The following ITGAM variants were observed in gnomAD, a reference collection of about 807,000 sequenced individuals.
The protein encoded by ITGAM is integrin subunit alpha M.
In ITGAM, 79 loss-of-function variants were observed where a neutral mutation model predicts 137.5. That is an observed-to-expected ratio of 0.57 (90% CI 0.48 to 0.69). ITGAM has a LOEUF of 0.69. Among genes scored for constraint, ITGAM ranks in the 30% least tolerant of loss-of-function variants. ITGAM has a pLI of 0.00. For missense variants in ITGAM, 1,343 were observed against 1,483.5 expected (o/e 0.91, Z 1.56); for synonymous variants, 583 against 592.3 (o/e 0.98, Z 0.23).
intron 12 of ITGAM, 32 bp from the exon 13 acceptor site, chr16:31,297,482 G>T (rs763659608): frequency 1.2e-6 from 2 of 1,611,394 alleles, no homozygotes; most frequent in Non-Finnish European, 1.7e-6. Flanking sequence ...TAGGTGGGAA[G>T]AGGTGTGTGA....
At position 31,276,681 on chromosome 16, in the gene ITGAM, A is replaced by G; in HGVS notation, c.1020A>G (p.Thr340=). The part of the protein sequence containing the change: ...EKIFAIEGTQ[T]GSSSSFEHEM... ...TTCTCCTCTTTACAGGTACTCAGACAGGAAGTAGCAGCTCCTTTGAGCATG... is the reference window on the plus strand; with the variant it reads ...TTCTCCTCTTTACAGGTACTCAGACGGGAAGTAGCAGCTCCTTTGAGCATG... Residue 340 remains threonine (T), a synonymous_variant, in exon 10 of 30, where the codon ACA becomes ACG. Coordinates refer to ENST00000544665, the MANE Select transcript of ITGAM (RefSeq NM_000632.4). 1 of 1,611,086 alleles carries G rather than the reference A, an allele frequency of 6.2e-7. No individual in the cohort carries two copies. Among genetic ancestry groups the G allele is most frequent in the East Asian group, 2.2e-5 (1 of 44,828 alleles).
intron 12 of ITGAM, among the ~76,000 whole-genome samples, chr16:31,296,281 T>G (rs1249427852): frequency 1.3e-5 from 2 of 150,852 alleles, no homozygotes; most frequent in Non-Finnish European, 3.0e-5. Context: ...ATTTTTTTTT[T>G]TTTGTATTTT....
rs1164341112 is a variant in ITGAM, at chr16:31,332,161, T to G, written c.*454T>G. 6.3e-6 allele frequency: 1 copy of G among 158,088 alleles called. No homozygotes were observed. Among genetic ancestry groups the G allele is most frequent in the Non-Finnish European group, 1.4e-5 (1 of 71,940 alleles). 9.8% of individuals were successfully genotyped at this position (158,088 alleles called of 1,614,324 possible). ...GTGCGTGGGTGAAGCCGCTGCTGGG[T>G]TTTCCTCCGGGAGAGGGGACGGTCA... On this transcript the variant is annotated 3_prime_UTR_variant, in exon 30 of 30. Transcript: ENST00000544665.
chr16:31,320,909 C>T (rs1206447379), intron 14 of ITGAM, among the ~76,000 whole-genome samples: 3 of 152,132 alleles, frequency 2.0e-5, no homozygotes, highest in Admixed American at 6.5e-5. Context: ...CGTGGCGGCT[C>T]ACACCTATAA....
intron 26 of ITGAM, 37 bp from the exon 27 acceptor site, chr16:31,330,271 C>A: frequency 6.3e-7 from 1 of 1,594,070 alleles, no homozygotes; most frequent in Non-Finnish European, 8.6e-7. Context: ...CTGCCTTCGG[C>A]TTCCTTACCC....
At chr16:31,268,939 TTCA>T (rs1262128681) in intron 5 of ITGAM, among the ~76,000 whole-genome samples, 1 of 152,144 alleles carries the variant, frequency 6.6e-6, no homozygotes, top group Non-Finnish European at 1.5e-5. Flanking sequence ...ACAGAGCCGA[TTCA>T]TCAAGACAGC....
intron 7 of ITGAM, among the ~76,000 whole-genome samples, chr16:31,272,463 ATTTTTTTTTTTTTTTTTTTTTTT>A (rs1157912736): frequency 1.8e-4 from 2 of 10,892 alleles, no homozygotes; most frequent in South Asian, 6.6e-3. Context: ...ATATATATAT[ATTTTTTTTTTTTTTTTTTTTTTT>A]TTTTTTTTTT....
At chr16:31,330,771 GAGAT>G (rs988790820) in intron 28 of ITGAM, among the ~76,000 whole-genome samples, 166 bp downstream of exon 28, 2 of 150,570 alleles carry the variant, frequency 1.3e-5, no homozygotes, top group African/African-American at 5.0e-5. Context: ...CAGAGACAGA[GAGAT>G]AGAGGCAGAG....
chr16:31,262,505 C>T (rs1225501339), intron 2 of ITGAM, among the ~76,000 whole-genome samples: 1 of 151,872 alleles, frequency 6.6e-6, no homozygotes, highest in African/African-American at 2.4e-5. Flanking sequence ...TGGGCTCAAG[C>T]AATCCTCCCA....
At chr16:31,289,070 A>T (rs2080059411) in intron 12 of ITGAM, among the ~76,000 whole-genome samples, 2 of 152,226 alleles carry the variant, frequency 1.3e-5, no homozygotes, top group African/African-American at 4.8e-5. Flanking sequence ...ATCTCACACC[A>T]GTTAGAATGG....
chr16:31,331,884 A>G lies in ITGAM; in HGVS notation c.*177A>G. ...GCGTGTGTGCAAGTGTCTGTGTGCAAGTGTGTGCACATGTGTGCGTGTGCG... is the reference window on the plus strand; with the variant it reads ...GCGTGTGTGCAAGTGTCTGTGTGCAGGTGTGTGCACATGTGTGCGTGTGCG... On this transcript the variant is annotated 3_prime_UTR_variant, in exon 30 of 30. Coordinates refer to ENST00000544665, the MANE Select transcript of ITGAM (RefSeq NM_000632.4). The G allele has an allele frequency of 3.6e-6, 2 of 557,308 alleles. No individual in the cohort carries two copies. The highest frequency in any genetic ancestry group is 6.3e-6 in the Non-Finnish European group (2 of 316,680). The allele number at this position is 557,308 out of a possible 1,614,324, so 34.5% of individuals were successfully genotyped here.
Position 31,324,863 on chromosome 16 carries a change from A to T in ITGAM, c.2289+81A>T. 1 of 1,555,980 alleles carries T rather than the reference A, an allele frequency of 6.4e-7. No homozygotes were observed. The highest frequency in any genetic ancestry group is 8.7e-7 in the Non-Finnish European group (1 of 1,148,316). On this transcript the variant is annotated intron_variant, in intron 18 of 29. Coordinates refer to ENST00000544665, the MANE Select transcript of ITGAM (RefSeq NM_000632.4). This position sits in a 1 kb window ranked among gnomAD's most constrained non-coding sequence, Gnocchi z 4.5. ...GTTGAAACTCATTTTATTTGATTGC[A>T]TCTAATTTTACTTCAACATTTGATT...
In ITGAM at chr16:31,321,288, G is replaced by A. The variant is rs2080446751; in HGVS notation, c.1755G>A (p.Gln585=). 6.2e-7 allele frequency: 1 copy of A among 1,613,890 alleles called. No homozygotes were observed. Among genetic ancestry groups the A allele is most frequent in the South Asian group, 1.1e-5 (1 of 91,090 alleles). The change falls in exon 15 of 30, where the codon CAG becomes CAA. Residue 585 remains glutamine, a synonymous_variant. Transcript: ENST00000544665. ...KLSPRLQYFG[Q]SLSGGQDLTM... ...CTCCCAGGCTCCAGTATTTTGGTCA[G>A]TCACTGAGTGGGGGCCAGGACCTCA...
intron 12 of ITGAM, among the ~76,000 whole-genome samples, chr16:31,285,272 G>A (rs1456292395): frequency 6.6e-6 from 1 of 152,136 alleles, no homozygotes; most frequent in African/African-American, 2.4e-5. Flanking sequence ...CCAGGGTGCA[G>A]CACAGCCCGT....
At chr16:31,285,663 G>T (rs2080021169) in intron 12 of ITGAM, among the ~76,000 whole-genome samples, 1 of 152,128 alleles carries the variant, frequency 6.6e-6, no homozygotes, top group African/African-American at 2.4e-5. Context: ...TCAAGTTTTA[G>T]ATTTGGGGTA....
intron 5 of ITGAM, 99 bp from the exon 6 acceptor site, chr16:31,270,855 G>T (rs1002741111): frequency 8.2e-5 from 46 of 561,238 alleles, no homozygotes; most frequent in Non-Finnish European, 1.2e-4. Flanking sequence ...TAGAGACGGG[G>T]TCCTATATTC....
rs746772528 is a variant in ITGAM, at chr16:31,277,033, G to T, written c.1197G>T (p.Met399Ile). The T allele has an allele frequency of 3.1e-6, 5 of 1,611,970 alleles. No individual in the cohort carries two copies. The South Asian group carries it at 5.5e-5, about 18-fold the overall frequency. ...FINMTRVDSD[M>I]NDAYLGYAAA... Reference sequence around the variant, plus strand: ...ACATGACCAGAGTGGATTCAGACATGAATGATGCTTACTTGGGTAAGTGGG... The same window carrying T: ...ACATGACCAGAGTGGATTCAGACATTAATGATGCTTACTTGGGTAAGTGGG... Residue 399 changes from methionine to isoleucine, a missense_variant, in exon 11 of 30, where the codon ATG becomes ATT. Met to Ile is a conservative substitution (Grantham distance 10, BLOSUM62 1). Transcript: ENST00000544665.
Position 31,262,872 on chromosome 16 carries a change from CA to C in ITGAM, c.134+1076del, listed in dbSNP as rs1321551980. On this transcript the variant is annotated intron_variant, in intron 2 of 29. Transcript: ENST00000544665. Reference sequence around the variant, plus strand: ...GCTCTTTGCTTTATCTCCCATAATACAGCCCAGTGATTTGAGTCCATTAATC... The same window carrying C: ...GCTCTTTGCTTTATCTCCCATAATACGCCCAGTGATTTGAGTCCATTAATC... Among the ~76,000 whole-genome samples, 8 of 152,226 alleles carry C rather than the reference CA, an allele frequency of 5.3e-5. No homozygotes were observed. The East Asian group carries it at 1.5e-3, about 29-fold the overall frequency.
chr16:31,289,899 T>C (rs12103025), intron 12 of ITGAM, among the ~76,000 whole-genome samples: 27,014 of 151,754 alleles, frequency 0.18, 3,027 homozygotes, highest in African/African-American at 0.31. Flanking sequence ...CTGACCAACA[T>C]GGAGAAACCC....
Sources: gnomAD v4.1 joint callset for allele counts (sites outside exome capture counted in the v4.1 genomes callset) on GRCh38, gnomAD v4.1.1 for gene constraint, Gnocchi (gnomAD v3.1) non-coding constraint, MANE v1.5 for transcripts, NCBI Gene and HGNC (gene_info 2026-07-23, HGNC 2026-07-21) for gene names.